WWOX: variants seen among roughly 807,000 people sequenced by gnomAD.
WWOX encodes WW domain-containing oxidoreductase.
In WWOX, 69 loss-of-function variants were observed where a neutral mutation model predicts 46.2. The observed-to-expected ratio is 1.49, with a 90% CI of 1.23 to 1.82. The LOEUF is 1.82. WWOX is among the 40% of genes most tolerant of loss of function. The pLI is 0.00. For synonymous variants in WWOX, 359 were observed against 202.6 expected, an observed-to-expected ratio of 1.77 and a Z score of -6.56; for missense variants, 919 against 542.6, an observed-to-expected ratio of 1.69 and a Z score of -6.89.
rs1307007488 is a variant in WWOX at position 78,726,103 on chromosome 16, CCCTCCCTCTCTG to C, written c.1056+293363_1056+293374del. Reference sequence around the variant, plus strand: ...CCTCCCTCTTCCTCCCTCCCTCCCTCCCTCCCTCTCTGCCTCCCTCTCTCCCTCTCTCTTTTT... The same window carrying C: ...CCTCCCTCTTCCTCCCTCCCTCCCTCCCTCCCTCTCTCCCTCTCTCTTTTT... On this transcript the variant is annotated intron_variant, in intron 8 of 8. Coordinates refer to ENST00000566780, the MANE Select transcript of WWOX (RefSeq NM_016373.4). Among the ~76,000 whole-genome samples, 443 of 139,954 alleles carry C rather than the reference CCCTCCCTCTCTG, an allele frequency of 3.2e-3. 3 individuals carry two copies. Among genetic ancestry groups the C allele is most frequent in the African/African-American group, 0.011 (415 of 37,926 alleles). The allele number at this position is 139,954 out of a possible 152,430, so 91.8% of individuals were successfully genotyped here.
intron 8 of WWOX, among the ~76,000 whole-genome samples, chr16:78,813,731 C>G (rs141461783): frequency 2.1e-3 from 317 of 152,296 alleles, no homozygotes; most frequent in African/African-American, 7.3e-3. Flanking sequence ...ACTGCTTTCT[C>G]TTTGTCGCCG....
At chr16:79,006,572 G>C (rs1427858829) in intron 8 of WWOX, among the ~76,000 whole-genome samples, 1 of 150,938 alleles carries the variant, frequency 6.6e-6, no homozygotes, top group South Asian at 2.1e-4. Flanking sequence ...GTTTTCAATT[G>C]CTGCTGTAAC....
At chr16:78,491,624 G>T (rs758175850) in intron 8 of WWOX, among the ~76,000 whole-genome samples, 43 of 152,076 alleles carry the variant, frequency 2.8e-4, no homozygotes, top group Non-Finnish European at 4.9e-4. Flanking sequence ...TACCACACCT[G>T]GCTACCGTGT....
At chr16:78,784,074 A>G (rs1287923409) in intron 8 of WWOX, among the ~76,000 whole-genome samples, 1 of 152,134 alleles carries the variant, frequency 6.6e-6, no homozygotes, top group East Asian at 1.9e-4. Context: ...CCATGTACTG[A>G]GCACTTACTT....
In WWOX at chr16:78,823,202, C is replaced by T. The variant is rs139284312; in HGVS notation, c.1057-388406C>T. Among the ~76,000 whole-genome samples the T allele has an allele frequency of 2.7e-3, 404 of 152,348 alleles. 3 individuals carry two copies. The highest frequency in any genetic ancestry group is 9.0e-3 in the African/African-American group (374 of 41,584). On this transcript the variant is annotated intron_variant, in intron 8 of 8. Transcript: ENST00000566780. ...TCAAATCTAATGGTGGAAACGGTCA[C>T]AGGGTCAGGCCTTGGATGGTGCTGT...
chr16:78,906,367 A>T (rs1401138379), intron 8 of WWOX, among the ~76,000 whole-genome samples: 1 of 152,178 alleles, frequency 6.6e-6, no homozygotes, highest in Admixed American at 6.5e-5. Flanking sequence ...GCTCTTTGAT[A>T]TGCAAATATA....
At chr16:78,889,683 A>T (rs1276470621) in intron 8 of WWOX, among the ~76,000 whole-genome samples, 1 of 151,658 alleles carries the variant, frequency 6.6e-6, no homozygotes, top group Non-Finnish European at 1.5e-5. Context: ...TTGTGAGCAA[A>T]CTCTCAGTGT....
chr16:78,707,012 G>A (rs1226198465), intron 8 of WWOX, among the ~76,000 whole-genome samples: 1 of 152,118 alleles, frequency 6.6e-6, no homozygotes, highest in African/African-American at 2.4e-5. Context: ...GGCCTAAGGA[G>A]ACCATGATCC....
At position 78,102,997 on chromosome 16, in the gene WWOX, AG is replaced by A. The variant is rs566622317; in HGVS notation, c.107+3113del. Among the ~76,000 whole-genome samples the A allele has an allele frequency of 3.7e-4, 57 of 152,168 alleles. No individual in the cohort carries two copies. The East Asian group carries it at 0.011, about 29-fold the overall frequency. On this transcript the variant is annotated intron_variant, in intron 1 of 8. Transcript: ENST00000566780. ...TGGGGCGTCTCCTCCTTTGCCACTCAGCCCCAGAGGTGCTTCTGCTTCCCTG... is the reference window on the plus strand; with the variant it reads ...TGGGGCGTCTCCTCCTTTGCCACTCACCCCAGAGGTGCTTCTGCTTCCCTG...
At chr16:78,417,070 C>G (rs2082815067) in intron 6 of WWOX, among the ~76,000 whole-genome samples, 1 of 119,384 alleles carries the variant, frequency 8.4e-6, no homozygotes, top group Non-Finnish European at 1.5e-5. Context: ...TTTATATTAG[C>G]TTTTTTTTCA....
chr16:78,601,155 G>C (rs2045613127), intron 8 of WWOX, among the ~76,000 whole-genome samples: 1 of 152,176 alleles, frequency 6.6e-6, no homozygotes, highest in Non-Finnish European at 1.5e-5. Context: ...GGCAAACCCA[G>C]GTTGGCCTCT....
intron 8 of WWOX, among the ~76,000 whole-genome samples, chr16:78,747,643 G>C (rs760398128): frequency 3.0e-4 from 45 of 152,060 alleles, no homozygotes; most frequent in Non-Finnish European, 5.9e-4. Context: ...CACCCACTCT[G>C]TTTCTTTTCT....
At chr16:78,378,502 T>C (rs935701849) in intron 5 of WWOX, among the ~76,000 whole-genome samples, 1 of 152,136 alleles carries the variant, frequency 6.6e-6, no homozygotes, top group Non-Finnish European at 1.5e-5. Context: ...TTAAATAATA[T>C]TAGAGGAATT....
intron 6 of WWOX, among the ~76,000 whole-genome samples, chr16:78,393,061 C>A (rs1397605692): frequency 6.6e-6 from 1 of 152,182 alleles, no homozygotes; most frequent in Non-Finnish European, 1.5e-5. Context: ...TCCACCCAAA[C>A]TGGCTTGTGA....
At chr16:78,130,146 G>C (rs772630265) in intron 4 of WWOX, 2 of 152,278 alleles carry the variant, frequency 1.3e-5, no homozygotes, top group Non-Finnish European at 2.9e-5. Context: ...ACGTGGAACT[G>C]TGAGTCAATT....
intron 8 of WWOX, among the ~76,000 whole-genome samples, chr16:78,699,484 A>C (rs2048167541): frequency 6.6e-6 from 1 of 152,254 alleles, no homozygotes; most frequent in African/African-American, 2.4e-5. Flanking sequence ...GGTTGCAGTG[A>C]GCTGAGATCG....
chr16:78,961,440 G>T (rs996257168), intron 8 of WWOX, among the ~76,000 whole-genome samples: 4 of 151,892 alleles, frequency 2.6e-5, no homozygotes, highest in Non-Finnish European at 5.9e-5. Flanking sequence ...GGGATACATG[G>T]ATGGATGGAT....
chr16:78,411,065 C>G (rs192405805), intron 6 of WWOX, among the ~76,000 whole-genome samples: 3 of 152,110 alleles, frequency 2.0e-5, no homozygotes, highest in South Asian at 2.1e-4. Flanking sequence ...AGGAGTGATA[C>G]AGAAGCCAGC....
intron 8 of WWOX, among the ~76,000 whole-genome samples, chr16:78,735,336 G>C (rs554360211): frequency 6.0e-5 from 9 of 151,078 alleles, no homozygotes; most frequent in Non-Finnish European, 1.3e-4. Flanking sequence ...CAATCCATTG[G>C]TCATCAGGTT....
Sources: allele counts gnomAD v4.1 joint callset (sites outside exome capture counted in the v4.1 genomes callset), GRCh38; gene constraint gnomAD v4.1.1; transcripts MANE v1.5; gene names NCBI Gene and HGNC (gene_info 2026-07-23, HGNC 2026-07-21).